The following MAPK10 variants were observed in gnomAD, a reference collection of about 807,000 sequenced individuals.
The protein encoded by MAPK10 is JNK3 alpha protein kinase.
A neutral mutation model predicts 59.3 loss-of-function variants in MAPK10; 25 were observed. That is an observed-to-expected ratio of 0.42 (90% CI 0.31 to 0.59). The LOEUF is 0.59. Ranked by LOEUF, MAPK10 falls within the 20% of genes least tolerant of loss-of-function variation. MAPK10 has a pLI of 0.15. For missense variants in MAPK10, 351 were observed against 568.9 expected (o/e 0.62, Z 3.90); for synonymous variants, 190 against 200.5 (o/e 0.95, Z 0.44).
chr4:86,227,019 T>C (rs2090735628), intron 2 of MAPK10, among the ~76,000 whole-genome samples: 1 of 152,236 alleles, frequency 6.6e-6, no homozygotes, highest in African/African-American at 2.4e-5. Flanking sequence ...AATATGGTTT[T>C]ATGTCCAATA....
intron 1 of MAPK10, among the ~76,000 whole-genome samples, chr4:86,394,147 T>C (rs1299947321): frequency 1.3e-5 from 2 of 152,080 alleles, no homozygotes; most frequent in African/African-American, 4.8e-5. Flanking sequence ...CATGCACCTG[T>C]AATCCCAGCT....
At chr4:86,409,283 T>C (rs759108280) in intron 1 of MAPK10, among the ~76,000 whole-genome samples, 10 of 152,388 alleles carry the variant, frequency 6.6e-5, no homozygotes, top group Non-Finnish European at 1.5e-4. Context: ...ACAAGTACCA[T>C]GCTGTTTTGG....
At chr4:86,518,676 G>A (rs543147918) in intron 1 of MAPK10, among the ~76,000 whole-genome samples, 189 of 137,268 alleles carry the variant, frequency 1.4e-3, no homozygotes, top group African/African-American at 5.0e-3. Flanking sequence ...GTTTGTTCTT[G>A]TTTCTCTAGT....
chr4:86,251,962 C>A (rs1486784858), intron 2 of MAPK10, among the ~76,000 whole-genome samples: 1 of 122,052 alleles, frequency 8.2e-6, no homozygotes, highest in Admixed American at 7.4e-5. Flanking sequence ...TTTTTGGCTG[C>A]ATAAAAGTCT....
intron 2 of MAPK10, among the ~76,000 whole-genome samples, chr4:86,323,369 C>G (rs1479787489): frequency 6.6e-6 from 1 of 152,082 alleles, no homozygotes; most frequent in Non-Finnish European, 1.5e-5. Flanking sequence ...AGGCAAGGCA[C>G]AAATCTGACA....
intron 1 of MAPK10, among the ~76,000 whole-genome samples, chr4:86,400,398 G>T (rs1457757302): frequency 6.6e-6 from 1 of 151,932 alleles, no homozygotes; most frequent in Non-Finnish European, 1.5e-5. Flanking sequence ...ACATGGGATC[G>T]TAATGATTTT....
rs553114374 is a variant in MAPK10, at chr4:86,210,626, TC to T, written c.-6-16220del. On this transcript the variant is annotated intron_variant, in intron 2 of 13. Coordinates refer to ENST00000641462, the MANE Select transcript of MAPK10 (RefSeq NM_138982.4). ...CAAATATCTCATGTACACCTATGTC[TC>T]ATGTACTCATGAAAATTAAAAACTT... Among the ~76,000 whole-genome samples, 924 of 151,978 alleles carry T rather than the reference TC, an allele frequency of 6.1e-3. 7 individuals carry two copies. Among genetic ancestry groups the T allele is most frequent in the South Asian group, 0.021 (102 of 4,818 alleles).
chr4:86,382,779 C>T (rs1740937182), intron 1 of MAPK10, among the ~76,000 whole-genome samples: 1 of 152,110 alleles, frequency 6.6e-6, no homozygotes, highest in Non-Finnish European at 1.5e-5. Flanking sequence ...TGTTAGAGAA[C>T]CTCTGTTTTT....
chr4:86,233,621 G>A (rs975583162), intron 2 of MAPK10, among the ~76,000 whole-genome samples: 2 of 152,060 alleles, frequency 1.3e-5, no homozygotes, highest in Admixed American at 6.5e-5. Flanking sequence ...CAACATTTTG[G>A]TGATGGATTT....
intron 4 of MAPK10, chr4:86,124,363 A>T (rs1045515784): frequency 2.6e-5 from 4 of 151,984 alleles, no homozygotes; most frequent in South Asian, 2.1e-4. Flanking sequence ...ATATTGAATT[A>T]AAAAAATGAA....
At chr4:86,245,418 C>T (rs2093019886) in intron 2 of MAPK10, among the ~76,000 whole-genome samples, 1 of 151,298 alleles carries the variant, frequency 6.6e-6, no homozygotes, top group Non-Finnish European at 1.5e-5. Context: ...CTCAAGTGAT[C>T]CTCCCACCTT....
chr4:86,096,923 T>C (rs2054330590), intron 9 of MAPK10, among the ~76,000 whole-genome samples: 1 of 151,954 alleles, frequency 6.6e-6, no homozygotes, highest in African/African-American at 2.4e-5. Context: ...AGATTGGTTA[T>C]AAATAAATGG....
At chr4:86,209,361 G>C (rs1582862133) in intron 2 of MAPK10, among the ~76,000 whole-genome samples, 1 of 152,060 alleles carries the variant, frequency 6.6e-6, no homozygotes, top group Non-Finnish European at 1.5e-5. Context: ...GGAAGCACCA[G>C]TAATCTGCCT....
chr4:86,173,649 G>A (rs2149265582), intron 3 of MAPK10, among the ~76,000 whole-genome samples: 1 of 152,150 alleles, frequency 6.6e-6, no homozygotes. Context: ...TTAAACTAAA[G>A]AGCTGGTGCA....
intron 4 of MAPK10, among the ~76,000 whole-genome samples, chr4:86,138,717 A>G (rs1174498863): frequency 6.6e-6 from 1 of 151,814 alleles, no homozygotes; most frequent in African/African-American, 2.4e-5. Context: ...AATAAACGGT[A>G]TTCAATTAGG....
chr4:86,404,634 G>T (rs971104096), intron 1 of MAPK10, among the ~76,000 whole-genome samples: 10 of 152,072 alleles, frequency 6.6e-5, no homozygotes, highest in Non-Finnish European at 4.4e-5. Context: ...ACCATTTTAA[G>T]CACCCTTTTG....
chr4:86,515,687 G>GT (rs971594849), intron 1 of MAPK10, among the ~76,000 whole-genome samples: 11 of 151,478 alleles, frequency 7.3e-5, no homozygotes, highest in African/African-American at 1.5e-4. Flanking sequence ...GGGATTATTT[G>GT]TTTTTTTTCT....
intron 2 of MAPK10, among the ~76,000 whole-genome samples, chr4:86,288,556 C>T (rs796951920): frequency 4.6e-5 from 7 of 152,136 alleles, no homozygotes; most frequent in African/African-American, 1.7e-4. Flanking sequence ...CTCTAACTAG[C>T]TTAATGCATT....
At chr4:86,097,469 T>C (rs907942615) in intron 9 of MAPK10, among the ~76,000 whole-genome samples, 25 of 151,938 alleles carry the variant, frequency 1.6e-4, no homozygotes, top group African/African-American at 5.6e-4. Context: ...ATAGAAGGAT[T>C]CCTTAATAAA....
Sources: allele counts gnomAD v4.1 joint callset (sites outside exome capture counted in the v4.1 genomes callset), GRCh38; gene constraint gnomAD v4.1.1; transcripts MANE v1.5; gene names NCBI Gene and HGNC (gene_info 2026-07-23, HGNC 2026-07-21).